The following USP9X variants were observed in gnomAD, a reference collection of about 807,000 sequenced individuals.
USP9X encodes ubiquitin carboxyl-terminal hydrolase 9X.
Under a neutral mutation model 190.3 loss-of-function variants are expected in USP9X, and 7 were observed. That is an observed-to-expected ratio of 0.04 (90% confidence interval 0.02 to 0.07). The LOEUF is 0.07. USP9X is among the 10% of genes least tolerant of loss of function. USP9X has a pLI of 1.00. For synonymous variants in USP9X, 645 were observed against 659.5 expected, an observed-to-expected ratio of 0.98 and a Z score of 0.34; for missense variants, 1,010 against 1,916.9, an observed-to-expected ratio of 0.53 and a Z score of 8.83.
intron 26 of USP9X, among the ~76,000 whole-genome samples, chrX:41,190,559 A>C (rs186806689): frequency 1.2e-4 from 13 of 111,926 alleles, no homozygotes; most frequent in Non-Finnish European, 2.4e-4. Flanking sequence ...AATGATGCAT[A>C]CGTGTGGGAA....
At chrX:41,120,970 C>G (rs1268678924) in intron 1 of USP9X, among the ~76,000 whole-genome samples, 2 of 107,118 alleles carry the variant, frequency 1.9e-5, no homozygotes, top group African/African-American at 6.8e-5. Flanking sequence ...TCCTCAGTAG[C>G]TGGGACTACA....
intron 32 of USP9X, among the ~76,000 whole-genome samples, chrX:41,207,644 A>G (rs757049808): frequency 9.0e-6 from 1 of 111,545 alleles, no homozygotes; most frequent in African/African-American, 3.3e-5. Context: ...TCTTTATAGC[A>G]GTGAGGTTTG....
intron 32 of USP9X, among the ~76,000 whole-genome samples, chrX:41,207,659 G>A (rs1217401271): frequency 9.0e-6 from 1 of 111,423 alleles, no homozygotes; most frequent in African/African-American, 3.3e-5. Context: ...GGTTTGGTTT[G>A]TTTTGTTTTG....
chrX:41,195,448 T>C (rs766504379), intron 26 of USP9X, among the ~76,000 whole-genome samples: 8 of 111,193 alleles, frequency 7.2e-5, no homozygotes, highest in East Asian at 2.8e-4. Context: ...AGCCTGAGAG[T>C]TGGCATTTCT....
intron 18 of USP9X, among the ~76,000 whole-genome samples, chrX:41,168,877 G>T (rs1440660856): frequency 9.4e-6 from 1 of 105,942 alleles, no homozygotes; most frequent in Non-Finnish European, 2.0e-5. Flanking sequence ...GATGTTTTGT[G>T]TAGTCAATGC....
Position 41,128,407 on chromosome X carries a change from G to GT in USP9X, c.97-585dup, listed in dbSNP as rs34869162. The stretch of plus-strand genomic sequence containing the variant: ...TGATCTTGGGCTACTTACTTTCTGA[G>GT]TTTTTTTTCATCTATTAAATGGCAG... On this transcript the variant is annotated intron_variant, in intron 2 of 44. Coordinates refer to ENST00000378308, the MANE Select transcript of USP9X (RefSeq NM_001039591.3). Among the ~76,000 whole-genome samples the GT allele has an allele frequency of 9.8e-4, 108 of 110,396 alleles. 1 individual carries two copies. The highest frequency in any genetic ancestry group is 1.7e-3 in the Non-Finnish European group (92 of 52,720).
chrX:41,130,135 A>C (rs938226768), intron 3 of USP9X, among the ~76,000 whole-genome samples: 5 of 111,902 alleles, frequency 4.5e-5, no homozygotes, highest in African/African-American at 1.3e-4. Flanking sequence ...CTATAAATAG[A>C]GGATTCTTAC....
At chrX:41,196,808 T>C in intron 28 of USP9X, 70 bp downstream of exon 28, 1 of 914,720 alleles carries the variant, frequency 1.1e-6, no homozygotes, top group Non-Finnish European at 1.5e-6. Flanking sequence ...ATGATTTATA[T>C]TTTTTGAGCA....
intron 23 of USP9X, among the ~76,000 whole-genome samples, chrX:41,185,227 TA>T (rs763170244): frequency 8.9e-6 from 1 of 112,560 alleles, no homozygotes; most frequent in African/African-American, 3.2e-5. Context: ...TGATAGAAGG[TA>T]AAACTTCAGG....
chrX:41,134,927 T>C (rs1006735369), intron 5 of USP9X, 90 bp downstream of exon 5: 8 of 673,463 alleles, frequency 1.2e-5, no homozygotes, highest in Non-Finnish European at 1.8e-5. Flanking sequence ...CTGTGTTATA[T>C]TTATTCTGTT....
intron 24 of USP9X, 111 bp from the exon 25 acceptor site, chrX:41,187,881 T>TG: frequency 1.5e-6 from 1 of 676,059 alleles, no homozygotes. Context: ...TTAAAAACAA[T>TG]GGTACTACAC....
At chrX:41,110,324 G>A (rs774688591) in intron 1 of USP9X, among the ~76,000 whole-genome samples, 39 of 112,449 alleles carry the variant, frequency 3.5e-4, no homozygotes, top group South Asian at 1.5e-3. Flanking sequence ...CAGTGACAAC[G>A]ATACTTAACA....
In USP9X at chrX:41,233,210, A is replaced by AG. The variant is rs1177457146; in HGVS notation, c.*688dup. ...TCACACCAAGTTAGTGTAGCCAATG[A>AG]GGAAAAAGTTACCATAATGACAGCA... is the stretch of plus-strand genomic sequence containing the variant. On this transcript the variant is annotated 3_prime_UTR_variant, in exon 45 of 45. Transcript: ENST00000378308. The AG allele has an allele frequency of 8.9e-6, 1 of 112,452 alleles. No individual in the cohort carries two copies. Among genetic ancestry groups the AG allele is most frequent in the African/African-American group, 3.2e-5 (1 of 30,982 alleles). 9.3% of individuals were successfully genotyped at this position (112,452 alleles called of 1,213,427 possible).
intron 30 of USP9X, among the ~76,000 whole-genome samples, chrX:41,200,097 G>A (rs1246355762): frequency 1.8e-5 from 2 of 112,125 alleles, no homozygotes; most frequent in East Asian, 2.8e-4. Flanking sequence ...ACTTTTTGAT[G>A]TGTTTCAGAA....
chrX:41,201,558 G>T (rs1489308235), intron 31 of USP9X, among the ~76,000 whole-genome samples: 2 of 111,287 alleles, frequency 1.8e-5, no homozygotes, highest in Non-Finnish European at 3.8e-5. Context: ...AAAAGAAAAA[G>T]TAAGTAGGGA....
chrX:41,231,678 C>T (rs979898122), intron 44 of USP9X, among the ~76,000 whole-genome samples: 8 of 103,546 alleles, frequency 7.7e-5, no homozygotes, highest in African/African-American at 2.1e-4. Flanking sequence ...GGTGGTGAGT[C>T]GAGATAGCAC....
chrX:41,173,892 A>G (rs757833141), intron 21 of USP9X, among the ~76,000 whole-genome samples: 8 of 112,360 alleles, frequency 7.1e-5, no homozygotes, highest in Admixed American at 3.8e-4. Flanking sequence ...ACCTAATACA[A>G]TGTACAGTTA....
chrX:41,219,785 T>TA (rs2063244780), intron 38 of USP9X, among the ~76,000 whole-genome samples: 1 of 112,174 alleles, frequency 8.9e-6, no homozygotes, highest in African/African-American at 3.2e-5. Context: ...CCCAGGAGAC[T>TA]AACCTAGGCA....
intron 9 of USP9X, 105 bp downstream of exon 9, chrX:41,141,536 C>A: frequency 1.2e-6 from 1 of 823,833 alleles, no homozygotes; most frequent in South Asian, 5.2e-5. Flanking sequence ...TTAAAGTAAA[C>A]TGAAATTGGG....
Sources: gnomAD v4.1 joint callset for allele counts (sites outside exome capture counted in the v4.1 genomes callset) on GRCh38, gnomAD v4.1.1 for gene constraint, MANE v1.5 for transcripts, NCBI Gene and HGNC (gene_info 2026-07-23, HGNC 2026-07-21) for gene names.